PRKN: variants seen among roughly 807,000 people sequenced by gnomAD.
The protein encoded by PRKN is E3 ubiquitin-protein ligase parkin.
A neutral mutation model predicts 59.5 loss-of-function variants in PRKN; 56 were observed. The ratio of observed to expected loss-of-function variants is 0.94; its 90% CI spans 0.76 to 1.18. The LOEUF is 1.18. Among genes scored for constraint, PRKN ranks in the 50% most tolerant of loss-of-function variants. The pLI is 0.00. For synonymous variants in PRKN, 250 were observed against 222.1 expected (o/e 1.13, Z -1.12); for missense variants, 657 against 596.4 (o/e 1.10, Z -1.06).
chr6:161,751,539 A>C (rs1384679224), intron 7 of PRKN, among the ~76,000 whole-genome samples: 4 of 152,242 alleles, frequency 2.6e-5, no homozygotes, highest in Non-Finnish European at 5.9e-5. Context: ...GTGTGTGAGA[A>C]CATAAAATTA....
rs1215666769 is a variant in PRKN at position 161,530,133 on chromosome 6, A to C, written c.1083+18721T>G. Among the ~76,000 whole-genome samples the C allele has an allele frequency of 6.6e-6, 1 of 152,172 alleles. No homozygotes were observed. The highest frequency in any genetic ancestry group is 1.5e-5 in the Non-Finnish European group (1 of 68,030). On this transcript the variant is annotated intron_variant, in intron 9 of 11. Coordinates refer to ENST00000366898, the MANE Select transcript of PRKN (RefSeq NM_004562.3). This position sits in a 1 kb window ranked among gnomAD's most constrained non-coding sequence, Gnocchi z 5.0. The stretch of plus-strand genomic sequence containing the variant: ...CACACGGGCTTCTTGCCATCACTTA[A>C]ATGGACACTTCTCAAACTCTCCCTC...
At position 161,723,760 on chromosome 6, in the gene PRKN, C is replaced by T. The variant is rs564935433; in HGVS notation, c.871+62012G>A. Among the ~76,000 whole-genome samples, 3 of 152,344 alleles carry T rather than the reference C, an allele frequency of 2.0e-5. No homozygotes were observed. The South Asian group carries it at 6.2e-4, about 32-fold the overall frequency. On this transcript the variant is annotated intron_variant, in intron 7 of 11. Transcript: ENST00000366898. ...AGCCACAGATCTGGGCACAGTCCTCCCCATGCTCTGAGAATCCACGCAGGC... is the reference window on the plus strand; with the variant it reads ...AGCCACAGATCTGGGCACAGTCCTCTCCATGCTCTGAGAATCCACGCAGGC...
intron 1 of PRKN, among the ~76,000 whole-genome samples, chr6:162,636,250 A>G (rs1777706980): frequency 1.1e-5 from 1 of 88,844 alleles, no homozygotes; most frequent in Non-Finnish European, 2.1e-5. Flanking sequence ...GCAACAAGTC[A>G]GTAGAAAAAA....
intron 3 of PRKN, among the ~76,000 whole-genome samples, chr6:162,232,731 G>C (rs1159782100): frequency 3.9e-5 from 6 of 152,102 alleles, no homozygotes; most frequent in African/African-American, 1.4e-4. Flanking sequence ...TCAGTGATCA[G>C]GGGCTGCCTT....
At chr6:161,830,294 C>G (rs1375170920) in intron 6 of PRKN, among the ~76,000 whole-genome samples, 1 of 151,672 alleles carries the variant, frequency 6.6e-6, no homozygotes, top group Non-Finnish European at 1.5e-5. Context: ...CTCTGTTGCC[C>G]AGGCTGGAGT....
At chr6:161,500,876 CTTTTTTTTT>C (rs34247928) in intron 9 of PRKN, among the ~76,000 whole-genome samples, 1 of 115,402 alleles carries the variant, frequency 8.7e-6, no homozygotes, top group Non-Finnish European at 1.7e-5. Flanking sequence ...TTTTTTTTTT[CTTTTTTTTT>C]TTTTTTTTGA....
intron 1 of PRKN, chr6:162,568,878 G>A: frequency 1.4e-6 from 1 of 702,688 alleles, no homozygotes; most frequent in Non-Finnish European, 2.6e-6. Flanking sequence ...TACAGAGATG[G>A]AGAATGAATT....
chr6:162,510,481 G>A (rs766808455), intron 1 of PRKN, among the ~76,000 whole-genome samples: 9 of 152,146 alleles, frequency 5.9e-5, no homozygotes, highest in South Asian at 2.1e-4. Flanking sequence ...GGCCTCCTTG[G>A]CCAGCTGCAC....
At chr6:162,494,087 T>C (rs1396357645) in intron 1 of PRKN, among the ~76,000 whole-genome samples, 1 of 152,224 alleles carries the variant, frequency 6.6e-6, no homozygotes, top group African/African-American at 2.4e-5. Context: ...TGTGCCACTG[T>C]GGCTGTCTGG....
chr6:161,790,831 T>C (rs985737264), intron 6 of PRKN, among the ~76,000 whole-genome samples: 2 of 152,186 alleles, frequency 1.3e-5, no homozygotes, highest in Non-Finnish European at 2.9e-5. Context: ...TTTTAGTAAG[T>C]TTAGCTCCGA....
At chr6:161,489,989 T>A (rs1427211561) in intron 9 of PRKN, among the ~76,000 whole-genome samples, 3 of 152,212 alleles carry the variant, frequency 2.0e-5, no homozygotes, top group Admixed American at 2.0e-4. Context: ...AACTCCTGGG[T>A]TCTCCTTGCC....
At chr6:162,423,079 C>A (rs1245467478) in intron 2 of PRKN, among the ~76,000 whole-genome samples, 1 of 150,926 alleles carries the variant, frequency 6.6e-6, no homozygotes, top group Non-Finnish European at 1.5e-5. Context: ...ACAAAGAAAT[C>A]TGAATTGGAA....
chr6:161,973,990 G>T (rs1214906028), intron 5 of PRKN, among the ~76,000 whole-genome samples: 1 of 152,234 alleles, frequency 6.6e-6, no homozygotes, highest in African/African-American at 2.4e-5. Flanking sequence ...GCAGAGGCCC[G>T]GCGCGTTGGC....
chr6:161,683,234 G>C (rs1281586964), intron 7 of PRKN, among the ~76,000 whole-genome samples: 2 of 152,178 alleles, frequency 1.3e-5, no homozygotes, highest in African/African-American at 4.8e-5. Context: ...CACCTGCAGA[G>C]AAGGGTCGGG....
intron 1 of PRKN, among the ~76,000 whole-genome samples, chr6:162,510,688 C>T (rs879286255): frequency 3.9e-5 from 6 of 152,084 alleles, no homozygotes; most frequent in Non-Finnish European, 8.8e-5. Context: ...TTTGGGAGGC[C>T]GGGCGAGCAG....
chr6:161,810,792 T>A (rs1222167367), intron 6 of PRKN, among the ~76,000 whole-genome samples: 1 of 152,178 alleles, frequency 6.6e-6, no homozygotes, highest in East Asian at 1.9e-4. Context: ...AATACAGTCA[T>A]TATCCTTAGG....
rs1785816288 is a variant in PRKN at position 161,378,358 on chromosome 6, G to A, written c.1167+8436C>T. 6.6e-6 allele frequency among the ~76,000 whole-genome samples: 1 copy of A among 152,220 alleles called. No individual in the cohort carries two copies. On this transcript the variant is annotated intron_variant, in intron 10 of 11. Coordinates refer to ENST00000366898, the MANE Select transcript of PRKN (RefSeq NM_004562.3). This position sits in a 1 kb window ranked among gnomAD's most constrained non-coding sequence, Gnocchi z 7.3. The stretch of plus-strand genomic sequence containing the variant: ...GAAGCCCTGCCAGGCCCCCCAGCTC[G>A]GGCATCCCCCCATCTGCCACACCGC...
chr6:161,722,650 T>C (rs557441752), intron 7 of PRKN, among the ~76,000 whole-genome samples: 11 of 152,340 alleles, frequency 7.2e-5, no homozygotes, highest in African/African-American at 1.9e-4. Flanking sequence ...CCTGTCAGTA[T>C]TTTTTGTGAT....
chr6:161,968,187 ATTTTTT>A (rs530441181), intron 6 of PRKN, among the ~76,000 whole-genome samples: 9 of 127,978 alleles, frequency 7.0e-5, no homozygotes, highest in Admixed American at 8.0e-5. Context: ...TGCCTGGCTA[ATTTTTT>A]TTTTTTTTTT....
Sources: gnomAD v4.1 joint callset for allele counts (sites outside exome capture counted in the v4.1 genomes callset) on GRCh38, gnomAD v4.1.1 for gene constraint, Gnocchi (gnomAD v3.1) non-coding constraint, MANE v1.5 for transcripts, NCBI Gene and HGNC (gene_info 2026-07-23, HGNC 2026-07-21) for gene names.